SNED1: variants seen among roughly 807,000 people sequenced by gnomAD.
The protein encoded by SNED1 is sushi, nidogen and EGF-like domain-containing protein 1.
A neutral mutation model predicts 166.7 loss-of-function variants in SNED1; 81 were observed. The observed-to-expected ratio is 0.49, with a 90% confidence interval of 0.41 to 0.58. The LOEUF (loss-of-function observed/expected upper bound fraction) is 0.58, where lower values mean the gene tolerates loss of function less well. SNED1 is among the 20% of genes least tolerant of loss of function. The probability of loss-of-function intolerance (pLI) is 0.00; values close to 1 mark genes in which losing one functional copy is unlikely to be tolerated. For synonymous variants in SNED1, 762 were observed against 822.0 expected, an observed-to-expected ratio of 0.93 and a Z score of 1.25; for missense variants, 1,604 against 2,000.2, an observed-to-expected ratio of 0.80 and a Z score of 3.78.
intron 29 of SNED1, among the ~76,000 whole-genome samples, chr2:241,084,610 G>A (rs1377596386): frequency 1.3e-5 from 2 of 152,110 alleles, no homozygotes; most frequent in African/African-American, 4.8e-5. Flanking sequence ...TTCCACATAT[G>A]CTGTGAACTG....
chr2:241,065,075 A>C, intron 20 of SNED1, 118 bp downstream of exon 20: 1 of 846,706 alleles, frequency 1.2e-6, no homozygotes, highest in Admixed American at 2.9e-5. Context: ...CCCTTCCCTG[A>C]GGAACAGGGA....
At chr2:241,048,952 C>G (rs2061745949) in intron 10 of SNED1, 70 bp from the exon 11 acceptor site, 2 of 1,422,132 alleles carry the variant, frequency 1.4e-6, no homozygotes, top group South Asian at 2.5e-5. Context: ...AGGCCCCATC[C>G]TTGACAAGGA....
At position 241,092,368 on chromosome 2, in the gene SNED1, A is replaced by C. The variant is rs1484541330; in HGVS notation, c.*732A>C. ...TCCCTGTGGCTACAGTAGCGCAGAC[A>C]CAGCCACAGGCATGTCATTGAATGG... is the stretch of plus-strand genomic sequence containing the variant. On this transcript the variant is annotated 3_prime_UTR_variant, in exon 32 of 32. Transcript: ENST00000310397. This position sits in a 1 kb window ranked among gnomAD's most constrained non-coding sequence, Gnocchi z 4.6. The C allele has an allele frequency of 6.6e-6, 1 of 152,200 alleles. No homozygotes were observed. Among genetic ancestry groups the C allele is most frequent in the Non-Finnish European group, 1.5e-5 (1 of 68,034 alleles). The allele number at this position is 152,200 out of a possible 1,614,324, so 9.4% of individuals were successfully genotyped here. A position where few individuals can be genotyped will look rare whatever the true frequency, so the allele number is the denominator to read the frequency against.
At chr2:241,014,201 G>T (rs1369325703) in intron 1 of SNED1, among the ~76,000 whole-genome samples, 1 of 152,058 alleles carries the variant, frequency 6.6e-6, no homozygotes, top group Non-Finnish European at 1.5e-5. Context: ...GAGAGACAGG[G>T]TTTCACCATG....
intron 1 of SNED1, among the ~76,000 whole-genome samples, chr2:241,008,859 G>C (rs2060300938): frequency 1.3e-5 from 2 of 152,250 alleles, no homozygotes; most frequent in Admixed American, 6.5e-5. Context: ...CCACACAGGA[G>C]GGCAGCCCAG....
intron 31 of SNED1, among the ~76,000 whole-genome samples, chr2:241,090,834 T>A (rs1350610890): frequency 1.4e-5 from 2 of 145,586 alleles, no homozygotes; most frequent in African/African-American, 5.1e-5. Flanking sequence ...GCCACTATAC[T>A]ACAGCTTAGG....
chr2:241,050,714 GTC>G (rs989338486), intron 12 of SNED1, among the ~76,000 whole-genome samples: 2 of 152,186 alleles, frequency 1.3e-5, no homozygotes, highest in African/African-American at 4.8e-5. Flanking sequence ...CGAGGTCTTT[GTC>G]TCTCAACACA....
chr2:241,007,415 G>C (rs2060250872), intron 1 of SNED1, among the ~76,000 whole-genome samples: 1 of 152,224 alleles, frequency 6.6e-6, no homozygotes, highest in Non-Finnish European at 1.5e-5. Flanking sequence ...TTGCACCCTT[G>C]CTCTGATTTA....
At chr2:241,005,310 T>A (rs1442064049) in intron 1 of SNED1, among the ~76,000 whole-genome samples, 1 of 152,128 alleles carries the variant, frequency 6.6e-6, no homozygotes, top group Non-Finnish European at 1.5e-5. Context: ...TTCAAATGAT[T>A]CTCCTGCCTC....
intron 1 of SNED1, among the ~76,000 whole-genome samples, chr2:241,004,205 G>T (rs1443176234): frequency 6.6e-6 from 1 of 152,240 alleles, no homozygotes; most frequent in African/African-American, 2.4e-5. Flanking sequence ...CTGAGCATTT[G>T]TTGTGGCTTC....
Position 241,040,176 on chromosome 2 carries a change from G to C in SNED1, c.1147G>C (p.Ala383Pro). Residue 383 changes from alanine (A) to proline (P), a missense_variant, in exon 7 of 32, where the codon GCC becomes CCC. Coordinates refer to ENST00000310397, the MANE Select transcript of SNED1 (RefSeq NM_001080437.3). ...CVCQAGYTGA[A>P]CEMDVDDCSP... ...GTGCCAGGCCGGATACACCGGAGCA[G>C]CCTGCGAGATGGGTGAGTGGCCTGG... is the stretch of plus-strand genomic sequence containing the variant. 1 of 1,597,068 alleles carries C rather than the reference G, an allele frequency of 6.3e-7. No homozygotes were observed. Among genetic ancestry groups the C allele is most frequent in the Non-Finnish European group, 8.5e-7 (1 of 1,171,882 alleles).
rs1312871521 is a variant in SNED1 at position 241,093,342 on chromosome 2, G to T, written c.*1706G>T. 1.3e-5 allele frequency: 2 copies of T among 152,636 alleles called. No individual in the cohort carries two copies. Among genetic ancestry groups the T allele is most frequent in the African/African-American group, 2.4e-5 (1 of 41,442 alleles). The allele number at this position is 152,636 out of a possible 1,614,324, so 9.5% of individuals were successfully genotyped here. ...AGCATTACTAGCAGATGCTAAGATC[G>T]AGTGATATCACTGGAAAAGTAGGTG... is the stretch of plus-strand genomic sequence containing the variant. On this transcript the variant is annotated 3_prime_UTR_variant, in exon 32 of 32. Coordinates refer to ENST00000310397, the MANE Select transcript of SNED1 (RefSeq NM_001080437.3).
intron 16 of SNED1, among the ~76,000 whole-genome samples, chr2:241,059,004 A>C (rs1040370233): frequency 6.6e-6 from 1 of 152,182 alleles, no homozygotes; most frequent in Non-Finnish European, 1.5e-5. Flanking sequence ...ATCAGGAAAA[A>C]AAGAGAGAAA....
chr2:241,078,122 C>T (rs568394101), intron 27 of SNED1, among the ~76,000 whole-genome samples: 22 of 152,208 alleles, frequency 1.4e-4, no homozygotes, highest in South Asian at 2.1e-4. Context: ...CGGTGGCTCA[C>T]GCCTGTAATC....
intron 31 of SNED1, 119 bp downstream of exon 31, chr2:241,088,521 G>A (rs1208980641): frequency 1.5e-5 from 12 of 802,560 alleles, no homozygotes; most frequent in Admixed American, 5.9e-5. Flanking sequence ...TAAAGGAAGC[G>A]CGGTCCTGTG....
At chr2:241,007,536 C>T (rs552457321) in intron 1 of SNED1, among the ~76,000 whole-genome samples, 13 of 152,256 alleles carry the variant, frequency 8.5e-5, no homozygotes, top group African/African-American at 1.2e-4. Context: ...TCCTAGAAGC[C>T]GCTCAGTAAA....
Position 241,073,912 on chromosome 2 carries a change from C to T in SNED1, c.3916+548C>T. Reference sequence around the variant, plus strand: ...TGCAGGGCACCAAGCATCTGCTGAGCACCTGCAGTAAGAGTTCCCAGACGC... The same window carrying T: ...TGCAGGGCACCAAGCATCTGCTGAGTACCTGCAGTAAGAGTTCCCAGACGC... On this transcript the variant is annotated intron_variant, in intron 27 of 31. Coordinates refer to ENST00000310397, the MANE Select transcript of SNED1 (RefSeq NM_001080437.3). The surrounding 1 kb of genome is among the most constrained non-coding windows in gnomAD (Gnocchi z 6.6). 6.1e-6 allele frequency: 1 copy of T among 162,922 alleles called. No homozygotes were observed. The highest frequency in any genetic ancestry group is 1.3e-5 in the Non-Finnish European group (1 of 75,224). 10.1% of individuals were successfully genotyped at this position (162,922 alleles called of 1,614,324 possible). A position where few individuals can be genotyped will look rare whatever the true frequency, so the allele number is the denominator to read the frequency against.
intron 1 of SNED1, chr2:241,010,787 C>T (rs893490081): frequency 6.5e-6 from 1 of 152,850 alleles, no homozygotes; most frequent in African/African-American, 2.4e-5. Flanking sequence ...TGTCACCTAC[C>T]TGGGACTGTA....
intron 1 of SNED1, among the ~76,000 whole-genome samples, chr2:241,001,838 G>GC (rs1195472239): frequency 1.3e-5 from 2 of 152,182 alleles, no homozygotes; most frequent in African/African-American, 4.8e-5. Context: ...AGAGCCCTGA[G>GC]CAGAGGCAGG....
Sources: allele counts gnomAD v4.1 joint callset (sites outside exome capture counted in the v4.1 genomes callset), GRCh38; gene constraint gnomAD v4.1.1; non-coding constraint Gnocchi (gnomAD v3.1); transcripts MANE v1.5; gene names NCBI Gene and HGNC (gene_info 2026-07-23, HGNC 2026-07-21).